Variants in LRBA observed in about 807,000 individuals in gnomAD.
The protein encoded by LRBA is LPS responsive beige-like anchor protein, also known as lipopolysaccharide-responsive and beige-like anchor protein.
Under a neutral mutation model 330.0 loss-of-function variants are expected in LRBA, and 176 were observed. That is an observed-to-expected ratio of 0.53 (90% CI 0.47 to 0.60). The LOEUF is 0.60. LRBA is among the 20% of genes least tolerant of loss of function. LRBA has a pLI of 0.00. For missense variants in LRBA, 3,259 were observed against 3,444.8 expected, an observed-to-expected ratio of 0.95 and a Z score of 1.35; for synonymous variants, 1,230 against 1,193.0, an observed-to-expected ratio of 1.03 and a Z score of -0.64.
At chr4:150,812,695 T>A (rs551871335) in intron 31 of LRBA, among the ~76,000 whole-genome samples, 38 of 152,256 alleles carry the variant, frequency 2.5e-4, no homozygotes, top group African/African-American at 8.7e-4. Context: ...TAATTAATAA[T>A]GTATATGGCT....
chr4:150,868,124 G>A, intron 21 of LRBA, 58 bp downstream of exon 21: 1 of 1,506,532 alleles, frequency 6.6e-7, no homozygotes, highest in Non-Finnish European at 8.9e-7. Context: ...TAGATAAAAT[G>A]GGCTTATACA....
chr4:150,359,512 G>C (rs1049291317), intron 47 of LRBA, among the ~76,000 whole-genome samples: 9 of 152,284 alleles, frequency 5.9e-5, no homozygotes, highest in African/African-American at 2.2e-4. Context: ...AATTTTGGGT[G>C]ATCAGTTTGA....
chr4:150,596,587 G>A (rs375679364), intron 38 of LRBA, among the ~76,000 whole-genome samples: 1 of 151,582 alleles, frequency 6.6e-6, no homozygotes, highest in African/African-American at 2.4e-5. Context: ...ATTGAAGCAC[G>A]GTATTTATCC....
rs140986996 is a variant in LRBA at position 150,424,413 on chromosome 4, C to T, written c.7042-8823G>A. On this transcript the variant is annotated intron_variant, in intron 46 of 56. Transcript: ENST00000651943. ...TTCTAAAAAGAGACCCAAAACACTT[C>T]TACTATTAAATATTGAAATAAATGT... Among the ~76,000 whole-genome samples the T allele has an allele frequency of 4.2e-3, 640 of 152,260 alleles. 2 individuals carry two copies. Among genetic ancestry groups the T allele is most frequent in the African/African-American group, 0.015 (606 of 41,554 alleles).
chr4:150,628,146 T>A (rs1473004338), intron 37 of LRBA, among the ~76,000 whole-genome samples: 1 of 152,092 alleles, frequency 6.6e-6, no homozygotes, highest in Non-Finnish European at 1.5e-5. Context: ...AGGAAAAAAA[T>A]TAACATTCTT....
intron 31 of LRBA, among the ~76,000 whole-genome samples, chr4:150,816,182 T>C (rs906929368): frequency 5.9e-5 from 9 of 151,904 alleles, no homozygotes; most frequent in African/African-American, 2.2e-4. Context: ...TGGCCTGAGA[T>C]ATCCCAAAAG....
At chr4:150,502,946 C>T (rs11727950) in intron 40 of LRBA, among the ~76,000 whole-genome samples, 91,909 of 152,126 alleles carry the variant, frequency 0.6, 31,102 homozygotes, top group Non-Finnish European at 0.75. Flanking sequence ...CACGGAGTCT[C>T]GCTCATTGCT....
Position 150,467,782 on chromosome 4 carries a change from C to A in LRBA, c.6671G>T (p.Arg2224Leu). The change falls in exon 44 of 57, where the codon CGG becomes CTG. Residue 2224 changes from arginine to leucine, a missense_variant. Transcript: ENST00000651943. Reference protein sequence around the residue: ...YLMFLNTIAGRSYNDLNQYPV... With the variant: ...YLMFLNTIAGLSYNDLNQYPV... ...ATACTGATTTAAGTCATTATAACTC[C>A]GTCCTGATAGGGAAAAAAGTTACTC... 1 of 1,449,202 alleles carries A rather than the reference C, an allele frequency of 6.9e-7. No homozygotes were observed. Among genetic ancestry groups the A allele is most frequent in the South Asian group, 1.2e-5 (1 of 81,104 alleles). 89.8% of individuals were successfully genotyped at this position (1,449,202 alleles called of 1,614,324 possible). A position where few individuals can be genotyped will look rare whatever the true frequency, so the allele number is the denominator to read the frequency against.
intron 35 of LRBA, among the ~76,000 whole-genome samples, chr4:150,756,110 G>A (rs1734263504): frequency 6.6e-6 from 1 of 150,468 alleles, no homozygotes; most frequent in African/African-American, 2.4e-5. Context: ...AATTCTAGAG[G>A]TTAAGAACAA....
intron 47 of LRBA, among the ~76,000 whole-genome samples, chr4:150,374,363 C>T (rs940404117): frequency 2.0e-5 from 3 of 152,184 alleles, no homozygotes; most frequent in Non-Finnish European, 2.9e-5. Flanking sequence ...TGTTCCACTT[C>T]CAGTTGCTCA....
chr4:150,359,794 C>T (rs1450955499), intron 47 of LRBA, among the ~76,000 whole-genome samples: 1 of 151,892 alleles, frequency 6.6e-6, no homozygotes, highest in African/African-American at 2.4e-5. Context: ...GCCTGGCCAA[C>T]ACAGTGAAAC....
At chr4:150,436,614 AACTG>A in intron 45 of LRBA, 106 bp downstream of exon 45, 1 of 809,920 alleles carries the variant, frequency 1.2e-6, no homozygotes, top group East Asian at 2.8e-5. Flanking sequence ...CAATAATTTA[AACTG>A]ACTCTTTTAG....
chr4:150,559,708 TAATATTATAG>T, intron 40 of LRBA, among the ~76,000 whole-genome samples: 1 of 89,878 alleles, frequency 1.1e-5, no homozygotes, highest in Non-Finnish European at 2.0e-5. Flanking sequence ...ATATATTATA[TAATATTATAG>T]ATTATATAAT....
intron 36 of LRBA, among the ~76,000 whole-genome samples, chr4:150,731,390 A>G (rs144420616): frequency 3.2e-4 from 48 of 152,322 alleles, no homozygotes; most frequent in Middle Eastern, 3.4e-3. Flanking sequence ...GAAGCAACCT[A>G]TATGTCCAGC....
chr4:150,968,728 TAACTGATAAA>T (rs1430321243), intron 2 of LRBA, among the ~76,000 whole-genome samples: 1 of 152,240 alleles, frequency 6.6e-6, no homozygotes, highest in Admixed American at 6.5e-5. Context: ...CTACCTGAGA[TAACTGATAAA>T]GGTGGCTACA....
At chr4:150,373,170 T>TGAGAGAGAGAGA (rs1222034309) in intron 47 of LRBA, among the ~76,000 whole-genome samples, 2 of 111,486 alleles carry the variant, frequency 1.8e-5, no homozygotes, top group African/African-American at 7.0e-5. Context: ...TGTGTGTGTG[T>TGAGAGAGAGAGA]GTGAGAGAGA....
chr4:150,777,346 C>T (rs960073204), intron 34 of LRBA, among the ~76,000 whole-genome samples: 6 of 151,484 alleles, frequency 4.0e-5, no homozygotes, highest in African/African-American at 1.5e-4. Flanking sequence ...ATAAGTTTTG[C>T]TCTCAGAAAC....
intron 34 of LRBA, among the ~76,000 whole-genome samples, chr4:150,787,625 G>A (rs1277869958): frequency 2.0e-5 from 3 of 151,698 alleles, no homozygotes; most frequent in African/African-American, 7.3e-5. Context: ...TGTAAAATGG[G>A]GTATCCATCC....
chr4:150,294,778 T>C (rs536197152), intron 53 of LRBA, among the ~76,000 whole-genome samples: 82 of 152,258 alleles, frequency 5.4e-4, no homozygotes, highest in East Asian at 1.6e-3. Context: ...GGTGAAACCC[T>C]GTCTCTACTA....
Sources: allele counts gnomAD v4.1 joint callset (sites outside exome capture counted in the v4.1 genomes callset), GRCh38; gene constraint gnomAD v4.1.1; transcripts MANE v1.5; gene names NCBI Gene and HGNC (gene_info 2026-07-23, HGNC 2026-07-21).